Variants in PHF24 observed in about 807,000 individuals in gnomAD.
PHF24 encodes PHD finger protein 24, also known as Galpha inhibitory interacting protein.
Under a neutral mutation model 42.6 loss-of-function variants are expected in PHF24, and 25 were observed. The observed-to-expected ratio is 0.59, with a 90% CI of 0.43 to 0.82. The LOEUF (loss-of-function observed/expected upper bound fraction) is 0.82, where lower values mean the gene tolerates loss of function less well. PHF24 is among the 40% of genes least tolerant of loss of function. PHF24 has a pLI of 0.00. For synonymous variants in PHF24, 185 were observed against 204.8 expected (o/e 0.90, Z 0.83); for missense variants, 470 against 538.1 (o/e 0.87, Z 1.25).
chr9:34,724,269 A>G, the PHF24 span: 1 of 1,551,440 alleles, frequency 6.4e-7, no homozygotes, highest in East Asian at 2.4e-5. Context: ...TTGGAGACCG[A>G]GTGGGCAGAA....
At chr9:34,715,158 T>G in the PHF24 span, among the ~76,000 whole-genome samples, 8 of 152,182 alleles carry the variant, frequency 5.3e-5, no homozygotes, top group African/African-American at 1.9e-4. Context: ...GAAACCTGGC[T>G]GGACAAAATC....
At chr9:34,683,777 G>A in the PHF24 span, among the ~76,000 whole-genome samples, 1 of 152,216 alleles carries the variant, frequency 6.6e-6, no homozygotes, top group Non-Finnish European at 1.5e-5. Context: ...AATGAGTTCT[G>A]GGTGGGTGCT....
the PHF24 span, among the ~76,000 whole-genome samples, chr9:34,795,518 A>C: frequency 6.6e-6 from 1 of 152,222 alleles, no homozygotes; most frequent in Non-Finnish European, 1.5e-5. Flanking sequence ...GGAATGAAGA[A>C]AAAACAAGAG....
the PHF24 span, among the ~76,000 whole-genome samples, chr9:34,762,441 T>C: frequency 1.3e-5 from 2 of 151,676 alleles, no homozygotes; most frequent in East Asian, 3.9e-4. Context: ...ATTTCTCTGA[T>C]GGTCAGTGAT....
chr9:34,694,716 G>C, the PHF24 span, among the ~76,000 whole-genome samples: 3 of 152,012 alleles, frequency 2.0e-5, no homozygotes, highest in Admixed American at 1.3e-4. Context: ...TGATCCACCC[G>C]CCTCGGCCTC....
Position 34,958,395 on chromosome 9 carries a change from G to C in PHF24, c.-11G>C, listed in dbSNP as rs1241682502. ...CCGGAGCCGCGTCCCGCACCCGGAC[G>C]GTCCCGGTAAGCGGGGGCGGGGGCG... On this transcript the variant is annotated 5_prime_UTR_variant, in exon 1 of 8. Coordinates refer to ENST00000242315, the Ensembl canonical transcript of PHF24. This position sits in a 1 kb window ranked among gnomAD's most constrained non-coding sequence, Gnocchi z 4.5. 2.0e-5 allele frequency: 3 copies of C among 152,288 alleles called. No individual in the cohort carries two copies. The highest frequency in any genetic ancestry group is 1.5e-5 in the Non-Finnish European group (1 of 68,050). 9.4% of individuals were successfully genotyped at this position (152,288 alleles called of 1,614,324 possible).
chr9:34,716,947 C>T, the PHF24 span, among the ~76,000 whole-genome samples: 11 of 152,072 alleles, frequency 7.2e-5, no homozygotes, highest in Admixed American at 1.3e-4. Context: ...GAGGGACTTA[C>T]GCTTCTGCAT....
chr9:34,863,373 G>T, the PHF24 span, among the ~76,000 whole-genome samples: 1 of 151,920 alleles, frequency 6.6e-6, no homozygotes, highest in Non-Finnish European at 1.5e-5. Flanking sequence ...CCCAGTGGTG[G>T]TGGCCACAGG....
chr9:34,971,217 G>T (rs1033042903), intron 1 of PHF24, 78 bp from the exon 2 acceptor site: 43 of 1,487,378 alleles, frequency 2.9e-5, no homozygotes, highest in Non-Finnish European at 3.8e-5. Flanking sequence ...AATAGCCCTT[G>T]CCACTTAGGT....
At chr9:34,922,231 C>G in the PHF24 span, 2 of 1,592,246 alleles carry the variant, frequency 1.3e-6, no homozygotes, top group Non-Finnish European at 1.7e-6. Context: ...CCTCGGGTAT[C>G]CGATGTCCAC....
At chr9:34,882,974 C>T in the PHF24 span, among the ~76,000 whole-genome samples, 1 of 152,164 alleles carries the variant, frequency 6.6e-6, no homozygotes, top group Admixed American at 6.6e-5. Flanking sequence ...TACTACAAGG[C>T]TACAGTAACC....
At chr9:34,755,812 C>G in the PHF24 span, among the ~76,000 whole-genome samples, 1 of 151,880 alleles carries the variant, frequency 6.6e-6, no homozygotes, top group Non-Finnish European at 1.5e-5. Flanking sequence ...TGTGCTCAGC[C>G]TGTATAATCT....
At chr9:34,780,288 T>A in the PHF24 span, among the ~76,000 whole-genome samples, 8 of 126,650 alleles carry the variant, frequency 6.3e-5, no homozygotes, top group South Asian at 2.4e-4. Flanking sequence ...TTTCTTTTTT[T>A]TCTTTTTTTC....
At chr9:34,834,031 T>C in the PHF24 span, 1 of 1,549,318 alleles carries the variant, frequency 6.5e-7, no homozygotes, top group Non-Finnish European at 8.7e-7. Context: ...GCTTAGGGTG[T>C]TCAGTGACAG....
At chr9:34,771,854 G>A in the PHF24 span, among the ~76,000 whole-genome samples, 1 of 152,150 alleles carries the variant, frequency 6.6e-6, no homozygotes, top group South Asian at 2.1e-4. Context: ...TTCTCCAAGG[G>A]TAAGGTTGCG....
chr9:34,725,781 A>G, the PHF24 span: 1 of 1,548,546 alleles, frequency 6.5e-7, no homozygotes, highest in African/African-American at 1.4e-5. Context: ...GGTGGGGCTG[A>G]CTGGGGTGAA....
chr9:34,796,964 T>C, the PHF24 span, among the ~76,000 whole-genome samples: 2 of 152,220 alleles, frequency 1.3e-5, no homozygotes, highest in Non-Finnish European at 2.9e-5. Context: ...ATCCAATGAA[T>C]GTATGATAGA....
the PHF24 span, among the ~76,000 whole-genome samples, chr9:34,936,798 G>A: frequency 2.7e-5 from 4 of 148,084 alleles, no homozygotes; most frequent in South Asian, 4.4e-4. Context: ...CTGCCCAGCC[G>A]CCCCGTCTGA....
the PHF24 span, among the ~76,000 whole-genome samples, chr9:34,861,285 T>C: frequency 1.3e-5 from 2 of 152,292 alleles, no homozygotes. Flanking sequence ...AAATACCTCA[T>C]TGAACACTAT....
Sources: gnomAD v4.1 joint callset for allele counts (sites outside exome capture counted in the v4.1 genomes callset) on GRCh38, gnomAD v4.1.1 for gene constraint, Gnocchi (gnomAD v3.1) non-coding constraint, MANE v1.5 for transcripts, NCBI Gene and HGNC (gene_info 2026-07-23, HGNC 2026-07-21) for gene names.